The following CNTN5 variants were observed in gnomAD, a reference collection of about 807,000 sequenced individuals.
CNTN5 encodes the protein contactin-5.
CNTN5 carries 77 observed loss-of-function variants against 129.1 expected under a neutral mutation model. That is an observed-to-expected ratio of 0.60 (90% CI 0.50 to 0.72). The LOEUF (loss-of-function observed/expected upper bound fraction) is 0.72. Among genes scored for constraint, CNTN5 ranks in the 30% least tolerant of loss-of-function variants. CNTN5 has a pLI of 0.00. For missense variants in CNTN5, 1,478 were observed against 1,328.8 expected (o/e 1.11, Z -1.75); for synonymous variants, 509 against 465.6 (o/e 1.09, Z -1.20).
At chr11:99,780,525 C>T (rs922402251) in intron 3 of CNTN5, among the ~76,000 whole-genome samples, 1 of 151,912 alleles carries the variant, frequency 6.6e-6, no homozygotes, top group African/African-American at 2.4e-5. Flanking sequence ...CTTAGCAAAG[C>T]ACTCAAAAGG....
intron 2 of CNTN5, among the ~76,000 whole-genome samples, chr11:99,420,129 C>T (rs766048601): frequency 1.4e-4 from 21 of 152,032 alleles, no homozygotes; most frequent in South Asian, 1.2e-3. Flanking sequence ...ATAAATTCCC[C>T]GGATACAAGG....
In CNTN5 at chr11:100,201,341, C is replaced by CA. The variant is rs558395724; in HGVS notation, c.1884+7689dup. Among the ~76,000 whole-genome samples, 1,148 of 137,278 alleles carry CA rather than the reference C, an allele frequency of 8.4e-3. 26 individuals carry two copies. Among genetic ancestry groups the CA allele is most frequent in the African/African-American group, 0.027 (1,002 of 37,650 alleles). The allele number at this position is 137,278 out of a possible 152,430, so 90.1% of individuals were successfully genotyped here. On this transcript the variant is annotated intron_variant, in intron 15 of 24. Transcript: ENST00000524871. ...CCAATCTGACAGAAACTTCAGAAGG[C>CA]AAAAAAAAAAAGTCTTAATTATATA...
At chr11:100,097,963 C>T (rs1438936677) in intron 13 of CNTN5, among the ~76,000 whole-genome samples, 3 of 150,656 alleles carry the variant, frequency 2.0e-5, no homozygotes, top group South Asian at 2.1e-4. Flanking sequence ...GAAATTAAAT[C>T]GGGGAGTTTT....
intron 3 of CNTN5, among the ~76,000 whole-genome samples, chr11:99,662,770 C>T (rs1952642776): frequency 6.6e-6 from 1 of 152,186 alleles, no homozygotes; most frequent in Non-Finnish European, 1.5e-5. Flanking sequence ...ACAGCAGCAG[C>T]ATCACCAGGG....
chr11:99,719,314 T>C lies in CNTN5; in HGVS notation c.56-100230T>C, dbSNP rs1048437646. ...CTGCTTGGGCGAGAGAATGAGACTT[T>C]GTCGGGAAAAAGAAAATGGAACATA... On this transcript the variant is annotated intron_variant, in intron 3 of 24. Coordinates refer to ENST00000524871, the MANE Select transcript of CNTN5 (RefSeq NM_014361.4). 5.3e-5 allele frequency among the ~76,000 whole-genome samples: 8 copies of C among 151,988 alleles called. No homozygotes were observed. In the South Asian group the frequency reaches 1.0e-3, roughly 20 times the overall value.
intron 3 of CNTN5, among the ~76,000 whole-genome samples, chr11:99,804,595 T>C (rs1445274909): frequency 6.6e-6 from 1 of 151,380 alleles, no homozygotes; most frequent in Non-Finnish European, 1.5e-5. Flanking sequence ...ATCTTATAAA[T>C]ACCTTCAAAT....
intron 3 of CNTN5, among the ~76,000 whole-genome samples, chr11:99,816,333 C>G (rs1946585162): frequency 1.3e-5 from 2 of 152,168 alleles, no homozygotes; most frequent in Non-Finnish European, 2.9e-5. Flanking sequence ...CAATAACCAT[C>G]TATTTGGTTA....
chr11:99,789,501 C>A (rs1380534741), intron 3 of CNTN5, among the ~76,000 whole-genome samples: 1 of 151,888 alleles, frequency 6.6e-6, no homozygotes, highest in Non-Finnish European at 1.5e-5. Flanking sequence ...AATAAACTGA[C>A]AAAATATTGC....
rs114890217 is a variant in CNTN5 at position 99,936,537 on chromosome 11, A to G, written c.674-20269A>G. On this transcript the variant is annotated intron_variant, in intron 7 of 24. Transcript: ENST00000524871. Reference sequence around the variant, plus strand: ...GATGAGAAGAAATCCAGACTATCCTATAACAGTGGAAGAGTTGTATGTAAA... The same window carrying G: ...GATGAGAAGAAATCCAGACTATCCTGTAACAGTGGAAGAGTTGTATGTAAA... 7.3e-3 allele frequency among the ~76,000 whole-genome samples: 1,108 copies of G among 152,230 alleles called. 14 individuals are homozygous for G. Among genetic ancestry groups the G allele is most frequent in the African/African-American group, 0.025 (1,054 of 41,548 alleles).
At chr11:99,359,366 C>T (rs1279292835) in intron 2 of CNTN5, among the ~76,000 whole-genome samples, 2 of 151,970 alleles carry the variant, frequency 1.3e-5, no homozygotes, top group African/African-American at 2.4e-5. Context: ...GTCCTCATGA[C>T]CGAATCACCT....
intron 7 of CNTN5, among the ~76,000 whole-genome samples, chr11:99,932,195 T>G (rs993845930): frequency 6.6e-6 from 1 of 152,198 alleles, no homozygotes; most frequent in Non-Finnish European, 1.5e-5. Context: ...TATTTTATTT[T>G]ATTTTATTTT....
At chr11:100,209,417 CCAGA>C (rs1451539543) in intron 15 of CNTN5, among the ~76,000 whole-genome samples, 1 of 152,140 alleles carries the variant, frequency 6.6e-6, no homozygotes, top group Non-Finnish European at 1.5e-5. Context: ...TTAAGTTCAG[CCAGA>C]CAAAGCACTT....
At chr11:99,386,413 G>A (rs1309945962) in intron 2 of CNTN5, among the ~76,000 whole-genome samples, 1 of 152,216 alleles carries the variant, frequency 6.6e-6, no homozygotes, top group East Asian at 1.9e-4. Context: ...ACAAGGAGTG[G>A]ATTATTCATG....
At chr11:100,034,554 G>T (rs1941881129) in intron 9 of CNTN5, among the ~76,000 whole-genome samples, 1 of 152,100 alleles carries the variant, frequency 6.6e-6, no homozygotes, top group South Asian at 2.1e-4. Context: ...TATTCTTGCT[G>T]CATACAGAGT....
At chr11:99,108,097 T>G (rs1226555400) in intron 1 of CNTN5, among the ~76,000 whole-genome samples, 2 of 152,128 alleles carry the variant, frequency 1.3e-5, no homozygotes, top group Non-Finnish European at 2.9e-5. Context: ...TATAAGGTAA[T>G]TCCTCAGTTG....
intron 2 of CNTN5, among the ~76,000 whole-genome samples, chr11:99,401,653 T>C (rs1941813655): frequency 6.6e-6 from 1 of 152,158 alleles, no homozygotes; most frequent in African/African-American, 2.4e-5. Context: ...CTGCATTGAA[T>C]CTGTAGATTG....
intron 2 of CNTN5, among the ~76,000 whole-genome samples, chr11:99,351,344 T>C (rs1938285131): frequency 6.6e-6 from 1 of 152,190 alleles, no homozygotes; most frequent in Non-Finnish European, 1.5e-5. Flanking sequence ...CAGACACTAA[T>C]GCTTACAGAG....
At chr11:99,648,170 A>G (rs1225301508) in intron 3 of CNTN5, among the ~76,000 whole-genome samples, 1 of 151,980 alleles carries the variant, frequency 6.6e-6, no homozygotes, top group Non-Finnish European at 1.5e-5. Flanking sequence ...TTCTGCATCT[A>G]TTGAAATTAT....
chr11:100,162,524 C>T (rs1043132470), intron 13 of CNTN5, among the ~76,000 whole-genome samples: 4 of 151,672 alleles, frequency 2.6e-5, no homozygotes, highest in African/African-American at 7.3e-5. Context: ...AATTAACATC[C>T]ATTGATTTTG....
Sources: allele counts gnomAD v4.1 joint callset (sites outside exome capture counted in the v4.1 genomes callset), GRCh38; gene constraint gnomAD v4.1.1; transcripts MANE v1.5; gene names NCBI Gene and HGNC (gene_info 2026-07-23, HGNC 2026-07-21).